PACRGL: variants seen among roughly 807,000 people sequenced by gnomAD.
PACRGL encodes PACRG-like protein.
In PACRGL, 38 loss-of-function variants were observed where a neutral mutation model predicts 34.5. That is an observed-to-expected ratio of 1.10 (90% confidence interval 0.85 to 1.44). The LOEUF is 1.44. PACRGL is among the 40% of genes most tolerant of loss of function. The probability of loss-of-function intolerance (pLI) is 0.00; values close to 1 mark genes in which losing one functional copy is unlikely to be tolerated. For synonymous variants in PACRGL, 128 were observed against 100.1 expected (o/e 1.28, Z -1.66); for missense variants, 305 against 281.4 (o/e 1.08, Z -0.60).
At chr4:20,719,631 T>G (rs1742010498) in intron 7 of PACRGL, among the ~76,000 whole-genome samples, 1 of 152,232 alleles carries the variant, frequency 6.6e-6, no homozygotes, top group African/African-American at 2.4e-5. Context: ...TCCATGTAGT[T>G]GAGCGGTTTT....
intron 8 of PACRGL, among the ~76,000 whole-genome samples, chr4:20,745,568 T>C (rs563902140): frequency 1.3e-5 from 2 of 152,288 alleles, no homozygotes; most frequent in South Asian, 2.1e-4. Context: ...TTACTTTACT[T>C]GTAAATGTGA....
At chr4:20,738,811 C>G (rs1750329922) in intron 8 of PACRGL, among the ~76,000 whole-genome samples, 2 of 152,164 alleles carry the variant, frequency 1.3e-5, no homozygotes, top group Admixed American at 1.3e-4. Context: ...CCAGGAAGCG[C>G]AAGGGGTTGG....
Position 20,731,510 on chromosome 4 carries a change from C to G in PACRGL, c.*4169C>G. On this transcript the variant is annotated 3_prime_UTR_variant, in exon 9 of 9. Transcript: ENST00000503585. ...ATTTTCCACTGTTTATTTTTTGTGA[C>G]TGAAGACCATTAGTGAGTTCAGTCA... The G allele has an allele frequency of 2.0e-6, 2 of 985,368 alleles. No homozygotes were observed. Among genetic ancestry groups the G allele is most frequent in the South Asian group, 4.7e-5 (1 of 21,292 alleles). The allele number at this position is 985,368 out of a possible 1,614,324, so 61.0% of individuals were successfully genotyped here.
downstream of PACRGL, among the ~76,000 whole-genome samples, chr4:20,754,599 A>G (rs1754186292): frequency 6.6e-6 from 1 of 152,186 alleles, no homozygotes; most frequent in Admixed American, 6.5e-5. Flanking sequence ...TCTTTAAAAT[A>G]TTTCATTTCC....
Position 20,729,716 on chromosome 4 carries a change from A to ACTGAATACATACAAATGAGTAG in PACRGL, c.*2377_*2398dup, listed in dbSNP as rs1422277954. 1.7e-5 allele frequency: 3 copies of ACTGAATACATACAAATGAGTAG among 172,814 alleles called. No homozygotes were observed. Among genetic ancestry groups the ACTGAATACATACAAATGAGTAG allele is most frequent in the African/African-American group, 7.1e-5 (3 of 42,368 alleles). 10.7% of individuals were successfully genotyped at this position (172,814 alleles called of 1,614,324 possible). ...TTAGAAAACCATTCAAAATCCTAGG[A>ACTGAATACATACAAATGAGTAG]CTGAATACATACAAATGAGTAGCAA... On this transcript the variant is annotated 3_prime_UTR_variant, in exon 9 of 9. Transcript: ENST00000503585.
downstream of PACRGL, among the ~76,000 whole-genome samples, chr4:20,755,787 GA>G (rs1754365865): frequency 6.6e-6 from 1 of 152,112 alleles, no homozygotes; most frequent in Non-Finnish European, 1.5e-5. Flanking sequence ...TTTGGGAGAA[GA>G]TAATTTCAGG....
chr4:20,737,385 A>G (rs1373934981), downstream of PACRGL, among the ~76,000 whole-genome samples: 1 of 152,204 alleles, frequency 6.6e-6, no homozygotes, highest in Non-Finnish European at 1.5e-5. Context: ...AGGAGTGAAG[A>G]GTAATTTTTA....
upstream of PACRGL, among the ~76,000 whole-genome samples, chr4:20,696,744 T>A (rs1385416471): frequency 6.6e-6 from 1 of 152,238 alleles, no homozygotes; most frequent in Non-Finnish European, 1.5e-5. Context: ...TAGCTTTCTG[T>A]ACTGTCCAAT....
chr4:20,741,759 C>T (rs371622889), intron 8 of PACRGL, among the ~76,000 whole-genome samples: 1 of 151,982 alleles, frequency 6.6e-6, no homozygotes, highest in Non-Finnish European at 1.5e-5. Flanking sequence ...AAAAACCCTT[C>T]AAAAAATCAA....
Position 20,731,352 on chromosome 4 carries a change from T to C in PACRGL, c.*4011T>C. ...GCCTCCCATAGTGCTGGGATTACAG[T>C]TGTGAGCTACTGTACCAGGCCTTAA... is the stretch of plus-strand genomic sequence containing the variant. On this transcript the variant is annotated 3_prime_UTR_variant, in exon 9 of 9. Transcript: ENST00000503585. 1 of 976,854 alleles carries C rather than the reference T, an allele frequency of 1.0e-6. No homozygotes were observed. Among genetic ancestry groups the C allele is most frequent in the Non-Finnish European group, 1.2e-6 (1 of 822,118 alleles). The allele number at this position is 976,854 out of a possible 1,614,324, so 60.5% of individuals were successfully genotyped here.
chr4:20,756,409 T>C (rs1177461374), downstream of PACRGL, among the ~76,000 whole-genome samples: 4 of 152,138 alleles, frequency 2.6e-5, no homozygotes, highest in Admixed American at 2.0e-4. Flanking sequence ...TCTTTTCTTT[T>C]CTATCCTAAA....
chr4:20,702,160 T>C (rs1390023080), intron 1 of PACRGL: 5 of 456,550 alleles, frequency 1.1e-5, no homozygotes, highest in African/African-American at 1.0e-4. Flanking sequence ...GGAACAACTT[T>C]TTGACGTGAA....
chr4:20,703,858 G>A (rs533673070), intron 1 of PACRGL, among the ~76,000 whole-genome samples: 16 of 152,300 alleles, frequency 1.1e-4, no homozygotes, highest in African/African-American at 3.8e-4. Context: ...AGCATTGAGT[G>A]TAGGAAATGA....
intron 8 of PACRGL, among the ~76,000 whole-genome samples, chr4:20,743,090 A>G (rs1485493775): frequency 6.6e-6 from 1 of 152,060 alleles, no homozygotes; most frequent in Non-Finnish European, 1.5e-5. Flanking sequence ...TATGTGAACT[A>G]CGAACCACTG....
chr4:20,759,646 A>AT, the PACRGL span, among the ~76,000 whole-genome samples: 4 of 151,774 alleles, frequency 2.6e-5, no homozygotes, highest in Non-Finnish European at 5.9e-5. Context: ...TTGCTAATAA[A>AT]AAAAAGAAAA....
intron 1 of PACRGL, chr4:20,701,846 C>A: frequency 2.2e-6 from 1 of 456,494 alleles, no homozygotes; most frequent in South Asian, 1.5e-5. Flanking sequence ...AGATGTGGAA[C>A]CCGCATATAC....
chr4:20,731,858 A>AGTGGTAG lies in PACRGL; in HGVS notation c.*4519_*4525dup, dbSNP rs1553883337. 1 of 1,408,014 alleles carries AGTGGTAG rather than the reference A, an allele frequency of 7.1e-7. No homozygotes were observed. Among genetic ancestry groups the AGTGGTAG allele is most frequent in the Non-Finnish European group, 9.3e-7 (1 of 1,080,488 alleles). 87.2% of individuals were successfully genotyped at this position (1,408,014 alleles called of 1,614,324 possible). A position where few individuals can be genotyped will look rare whatever the true frequency, so the allele number is the denominator to read the frequency against. On this transcript the variant is annotated 3_prime_UTR_variant, in exon 9 of 9. Coordinates refer to ENST00000503585, the MANE Select transcript of PACRGL (RefSeq NM_001258345.3). ...TTATGTAATTGGTGCTTGTTTTCAG[A>AGTGGTAG]GTGGTAGGCTTATGCTGCATGTTGT...
chr4:20,707,722 G>A, intron 3 of PACRGL, 81 bp from the exon 4 acceptor site: 1 of 1,117,446 alleles, frequency 8.9e-7, no homozygotes, highest in Non-Finnish European at 1.4e-6. Context: ...ATACCAGCTT[G>A]GCGGTTTGAA....
At chr4:20,709,453 A>G (rs1217497863) in intron 4 of PACRGL, among the ~76,000 whole-genome samples, 1 of 152,218 alleles carries the variant, frequency 6.6e-6, no homozygotes, top group Non-Finnish European at 1.5e-5. Flanking sequence ...CAACATGCTT[A>G]AGCACCAAAA....
Sources: gnomAD v4.1 joint callset for allele counts (sites outside exome capture counted in the v4.1 genomes callset) on GRCh38, gnomAD v4.1.1 for gene constraint, MANE v1.5 for transcripts, NCBI Gene and HGNC (gene_info 2026-07-23, HGNC 2026-07-21) for gene names.